Variants in NALF1 observed in about 807,000 individuals in gnomAD.
NALF1 encodes the protein NALCN channel auxiliary factor 1, also known as family with sequence similarity 155 member A.
A neutral mutation model predicts 48.4 loss-of-function variants in NALF1; 3 were observed. The ratio of observed to expected loss-of-function variants is 0.06; its 90% CI spans 0.03 to 0.16. The LOEUF (loss-of-function observed/expected upper bound fraction) is 0.16. NALF1 is among the 10% of genes least tolerant of loss of function. NALF1 has a pLI of 1.00. For synonymous variants in NALF1, 262 were observed against 245.7 expected, an observed-to-expected ratio of 1.07 and a Z score of -0.62; for missense variants, 526 against 571.5, an observed-to-expected ratio of 0.92 and a Z score of 0.81.
chr13:107,534,102 C>T (rs750445947), intron 1 of NALF1, among the ~76,000 whole-genome samples: 25 of 152,040 alleles, frequency 1.6e-4, no homozygotes, highest in Non-Finnish European at 3.4e-4. Flanking sequence ...GGCCCAGTGG[C>T]ATCAGCATCA....
At chr13:107,200,982 G>T (rs919802589) in intron 2 of NALF1, among the ~76,000 whole-genome samples, 21 of 152,118 alleles carry the variant, frequency 1.4e-4, no homozygotes, top group African/African-American at 5.1e-4. Context: ...GAGTGAAAAT[G>T]AACACTCATC....
At chr13:107,380,682 A>G (rs1883419361) in intron 1 of NALF1, among the ~76,000 whole-genome samples, 1 of 152,166 alleles carries the variant, frequency 6.6e-6, no homozygotes, top group Admixed American at 6.6e-5. Context: ...ATTTAAGAAT[A>G]CATACATTTT....
At chr13:107,228,707 C>T (rs1420400812) in intron 1 of NALF1, among the ~76,000 whole-genome samples, 2 of 152,172 alleles carry the variant, frequency 1.3e-5, no homozygotes, top group East Asian at 1.9e-4. Context: ...GCAACCTCCG[C>T]CTCCCGGGCT....
At chr13:107,295,734 T>C (rs1436892566) in intron 1 of NALF1, among the ~76,000 whole-genome samples, 1 of 152,204 alleles carries the variant, frequency 6.6e-6, no homozygotes. Context: ...ATTACTTTGG[T>C]TTTTGAACTA....
At chr13:107,714,266 G>C (rs752472929) in intron 1 of NALF1, among the ~76,000 whole-genome samples, 1 of 152,132 alleles carries the variant, frequency 6.6e-6, no homozygotes, top group Non-Finnish European at 1.5e-5. Flanking sequence ...GAATTCACAA[G>C]CTGCAGCGCT....
At chr13:107,587,844 T>G (rs12866068) in intron 1 of NALF1, among the ~76,000 whole-genome samples, 6 of 152,124 alleles carry the variant, frequency 3.9e-5, no homozygotes, top group Admixed American at 6.5e-5. Flanking sequence ...GGTGCACAGC[T>G]CTCTCACATG....
At chr13:107,696,616 T>C (rs1164974018) in intron 1 of NALF1, among the ~76,000 whole-genome samples, 5 of 152,040 alleles carry the variant, frequency 3.3e-5, no homozygotes, top group African/African-American at 1.2e-4. Context: ...TTTGTGTGTA[T>C]ATACACAAAA....
intron 1 of NALF1, among the ~76,000 whole-genome samples, chr13:107,555,276 AATT>A: frequency 6.6e-6 from 1 of 151,360 alleles, no homozygotes; most frequent in East Asian, 2.0e-4. Context: ...TTAATTAATT[AATT>A]AATTAATTTT....
At chr13:107,835,392 C>T (rs1229501074) in intron 1 of NALF1, 3 of 152,126 alleles carry the variant, frequency 2.0e-5, no homozygotes, top group African/African-American at 4.8e-5. Flanking sequence ...TACAAGACAG[C>T]ATGACTTACC....
At chr13:107,436,079 C>T (rs1884459722) in intron 1 of NALF1, among the ~76,000 whole-genome samples, 1 of 152,150 alleles carries the variant, frequency 6.6e-6, no homozygotes, top group African/African-American at 2.4e-5. Context: ...CAAGACACAC[C>T]AACGGCAACA....
chr13:107,467,249 T>G (rs556396928), intron 1 of NALF1, among the ~76,000 whole-genome samples: 1 of 152,336 alleles, frequency 6.6e-6, no homozygotes, highest in East Asian at 1.9e-4. Flanking sequence ...CTGATGACAT[T>G]TCTATTACAA....
intron 1 of NALF1, among the ~76,000 whole-genome samples, chr13:107,335,431 A>C (rs764924270): frequency 1.3e-5 from 2 of 152,256 alleles, no homozygotes; most frequent in Non-Finnish European, 2.9e-5. Flanking sequence ...CAGTCTTCAC[A>C]GGTGCCAGAG....
chr13:107,786,996 T>A (rs1307550439), intron 1 of NALF1, among the ~76,000 whole-genome samples: 1 of 152,202 alleles, frequency 6.6e-6, no homozygotes, highest in Non-Finnish European at 1.5e-5. Context: ...TTCAGAGAGA[T>A]TCATACCCTG....
intron 1 of NALF1, among the ~76,000 whole-genome samples, chr13:107,589,826 A>G (rs1287741021): frequency 6.6e-6 from 1 of 151,924 alleles, no homozygotes; most frequent in Non-Finnish European, 1.5e-5. Flanking sequence ...GGCTTATATG[A>G]TATGATGGGA....
intron 2 of NALF1, among the ~76,000 whole-genome samples, chr13:107,182,130 G>A (rs770060612): frequency 2.6e-5 from 4 of 151,766 alleles, no homozygotes; most frequent in Admixed American, 6.6e-5. Flanking sequence ...TTTCGTCATC[G>A]CCTAATCACA....
chr13:107,464,892 C>A (rs1185098410), intron 1 of NALF1, among the ~76,000 whole-genome samples: 1 of 152,038 alleles, frequency 6.6e-6, no homozygotes, highest in African/African-American at 2.4e-5. Flanking sequence ...TTAATGTATA[C>A]CACTTGATGA....
chr13:107,279,400 T>C (rs1056354047), intron 1 of NALF1, among the ~76,000 whole-genome samples: 1 of 152,046 alleles, frequency 6.6e-6, no homozygotes, highest in Non-Finnish European at 1.5e-5. Context: ...GAATTACAGG[T>C]GCATGCCACC....
At chr13:107,598,265 C>A (rs940477299) in intron 1 of NALF1, among the ~76,000 whole-genome samples, 1 of 152,116 alleles carries the variant, frequency 6.6e-6, no homozygotes, top group African/African-American at 2.4e-5. Flanking sequence ...GGTTTTCCAC[C>A]TTTATCTTTG....
At chr13:107,773,054 A>G (rs1877622875) in intron 1 of NALF1, among the ~76,000 whole-genome samples, 1 of 152,250 alleles carries the variant, frequency 6.6e-6, no homozygotes, top group African/African-American at 2.4e-5. Context: ...GCTATGCACC[A>G]GCAAGGTAAC....
Sources: allele counts gnomAD v4.1 joint callset (sites outside exome capture counted in the v4.1 genomes callset), GRCh38; gene constraint gnomAD v4.1.1; transcripts MANE v1.5; gene names NCBI Gene and HGNC (gene_info 2026-07-23, HGNC 2026-07-21).